ARHGEF1: variants seen among roughly 807,000 people sequenced by gnomAD.
The protein encoded by ARHGEF1 is Rho guanine nucleotide exchange factor 1, also known as 115 kDa guanine nucleotide exchange factor.
In ARHGEF1, 40 loss-of-function variants were observed where a neutral mutation model predicts 119.7. The observed-to-expected ratio is 0.33, with a 90% CI of 0.26 to 0.44. ARHGEF1 has a LOEUF of 0.44. Among genes scored for constraint, ARHGEF1 ranks in the 20% least tolerant of loss-of-function variants. The pLI, the probability that ARHGEF1 is intolerant of heterozygous loss-of-function variation, is 1.00. For synonymous variants in ARHGEF1, 494 were observed against 521.0 expected, an observed-to-expected ratio of 0.95 and a Z score of 0.71; for missense variants, 976 against 1,268.3, an observed-to-expected ratio of 0.77 and a Z score of 3.50.
rs2074329871 is a variant in ARHGEF1, at chr19:41,888,557, A to G, written c.112-195A>G. On this transcript the variant is annotated intron_variant, in intron 3 of 28. Transcript: ENST00000354532. This position sits in a 1 kb window ranked among gnomAD's most constrained non-coding sequence, Gnocchi z 5.1. The stretch of plus-strand genomic sequence containing the variant: ...TTCTGTCCTCATCATCCACCATTAT[A>G]ATATTAAGTCTCATCCATTCTCCCT... Among the ~76,000 whole-genome samples, 1 of 152,058 alleles carries G rather than the reference A, an allele frequency of 6.6e-6. No homozygotes were observed.
chr19:41,905,363 A>G lies in ARHGEF1; in HGVS notation c.2336+102A>G. ...CAGAACCGTCTCTGTGTGAGCATGC[A>G]CATGTGTGAATGCATGTGTGTGCAT... On this transcript the variant is annotated intron_variant, in intron 24 of 28. Transcript: ENST00000354532. The surrounding 1 kb of genome is among the most constrained non-coding windows in gnomAD (Gnocchi z 6.4). 3.8e-6 allele frequency: 4 copies of G among 1,050,402 alleles called. No homozygotes were observed. Among genetic ancestry groups the G allele is most frequent in the East Asian group, 4.8e-5 (2 of 41,308 alleles). The allele number at this position is 1,050,402 out of a possible 1,614,324, so 65.1% of individuals were successfully genotyped here.
rs2074624139 is a variant in ARHGEF1 at position 41,902,729 on chromosome 19, G to A, written c.1624-55G>A. The A allele has an allele frequency of 5.0e-6, 8 of 1,613,302 alleles. No individual in the cohort carries two copies. The highest frequency in any genetic ancestry group is 1.1e-5 in the South Asian group (1 of 91,054). On this transcript the variant is annotated intron_variant, in intron 17 of 28. Transcript: ENST00000354532. The surrounding 1 kb of genome is among the most constrained non-coding windows in gnomAD (Gnocchi z 6.5). Reference sequence around the variant, plus strand: ...GAGACCCAGACTCCTAGGTGCCTGCGCCCTGGGGTGAGCCCAAAGCCTGGG... The same window carrying A: ...GAGACCCAGACTCCTAGGTGCCTGCACCCTGGGGTGAGCCCAAAGCCTGGG...
chr19:41,889,078 A>C lies in ARHGEF1; in HGVS notation c.225+213A>C. The stretch of plus-strand genomic sequence containing the variant: ...CTTACAAGTGCCCAGGGTAGATCTC[A>C]GTGCGCAGCGGGCAGGGTACACACG... On this transcript the variant is annotated intron_variant, in intron 4 of 28. Coordinates refer to ENST00000354532, the MANE Select transcript of ARHGEF1 (RefSeq NM_004706.4). This position sits in a 1 kb window ranked among gnomAD's most constrained non-coding sequence, Gnocchi z 4.0. The C allele has an allele frequency of 4.0e-5, 21 of 521,988 alleles. No homozygotes were observed. Among genetic ancestry groups the C allele is most frequent in the East Asian group, 6.3e-5 (2 of 31,552 alleles). 32.3% of individuals were successfully genotyped at this position (521,988 alleles called of 1,614,324 possible).
At chr19:41,909,869 G>A (rs2074742616), downstream of ARHGEF1, 2 of 1,610,056 alleles carry the variant, frequency 1.2e-6, no homozygotes, top group African/African-American at 1.3e-5. This position sits in a 1 kb window ranked among gnomAD's most constrained non-coding sequence, Gnocchi z 5.2. Flanking sequence ...TCACCGCAGG[G>A]CCCGGCTCAG....
At position 41,906,975 on chromosome 19, in the gene ARHGEF1, GTC is replaced by G; in HGVS notation, c.*18-126_*18-125del. The G allele has an allele frequency of 2.0e-6, 2 of 1,003,866 alleles. No homozygotes were observed. Among genetic ancestry groups the G allele is most frequent in the Non-Finnish European group, 2.8e-6 (2 of 708,218 alleles). 62.2% of individuals were successfully genotyped at this position (1,003,866 alleles called of 1,614,324 possible). A position where few individuals can be genotyped will look rare whatever the true frequency, so the allele number is the denominator to read the frequency against. On this transcript the variant is annotated intron_variant, in intron 28 of 28. Transcript: ENST00000354532. The surrounding 1 kb of genome is among the most constrained non-coding windows in gnomAD (Gnocchi z 4.5). ...TCTGTTTCTGATAATCTGTTTCTCT[GTC>G]TCTGTGCCCGCCTGCCTCTCCCCAC...
rs144745694 is a variant in ARHGEF1, at chr19:41,905,946, C to G, written c.2412C>G (p.Thr804=). 3 of 1,614,110 alleles carry G rather than the reference C, an allele frequency of 1.9e-6. No individual in the cohort carries two copies. The highest frequency in any genetic ancestry group is 2.5e-6 in the Non-Finnish European group (3 of 1,180,000). The change falls in exon 26 of 29, where the codon ACC becomes ACG. Residue 804 remains threonine, a synonymous_variant. Coordinates refer to ENST00000354532, the MANE Select transcript of ARHGEF1 (RefSeq NM_004706.4). The surrounding 1 kb of genome is among the most constrained non-coding windows in gnomAD (Gnocchi z 6.4). ...GRETSPADAR[T]ERILSDLLPF... is the part of the protein sequence containing the mutation. ...CTCTGTTCCCCAATCCAGCCCGGAC[C>G]GAGAGAATCCTCAGTGACCTCCTGC...
rs1369508438 is a variant in ARHGEF1, at chr19:41,903,855, C to T, written c.1917+71C>T. ...CCAGGGGATTCTGTGATACAGCCCC[C>T]AGCCTGTCCTGCCCATCCCATAATA... On this transcript the variant is annotated intron_variant, in intron 20 of 28. Coordinates refer to ENST00000354532, the MANE Select transcript of ARHGEF1 (RefSeq NM_004706.4). The surrounding 1 kb of genome is among the most constrained non-coding windows in gnomAD (Gnocchi z 4.2). 1.3e-6 allele frequency: 2 copies of T among 1,525,594 alleles called. No individual in the cohort carries two copies. The highest frequency in any genetic ancestry group is 1.8e-6 in the Non-Finnish European group (2 of 1,102,932). The allele number at this position is 1,525,594 out of a possible 1,614,324, so 94.5% of individuals were successfully genotyped here.
rs147565979 is a variant in ARHGEF1 at position 41,906,174 on chromosome 19, T to G, written c.2491+149T>G. On this transcript the variant is annotated intron_variant, in intron 26 of 28. Coordinates refer to ENST00000354532, the MANE Select transcript of ARHGEF1 (RefSeq NM_004706.4). This position sits in a 1 kb window ranked among gnomAD's most constrained non-coding sequence, Gnocchi z 4.5. Reference sequence around the variant, plus strand: ...ACCCACCCAGCCTGCACCACTGTCCTGGGTGCCCACGTCCCTCTTCTGCAG... The same window carrying G: ...ACCCACCCAGCCTGCACCACTGTCCGGGGTGCCCACGTCCCTCTTCTGCAG... The G allele has an allele frequency of 8.8e-3, 6,678 of 759,792 alleles. 49 individuals carry two copies. Among genetic ancestry groups the G allele is most frequent in the Non-Finnish European group, 0.01 (4,812 of 465,944 alleles). 47.1% of individuals were successfully genotyped at this position (759,792 alleles called of 1,614,324 possible). A position where few individuals can be genotyped will look rare whatever the true frequency, so the allele number is the denominator to read the frequency against.
downstream of ARHGEF1, among the ~76,000 whole-genome samples, chr19:41,912,003 A>G (rs2074755061): frequency 6.6e-6 from 1 of 151,912 alleles, no homozygotes; most frequent in Non-Finnish European, 1.5e-5. Context: ...GCACCAAGAC[A>G]GCCATGCGGA....
In ARHGEF1 at chr19:41,902,663, G is replaced by C; in HGVS notation, c.1623+5G>C. ...CGGTTCTGTGCCTTCGTGCAGGTGA[G>C]GTGGGGTCTGGACTCCAGCTTCCCA... On this transcript the variant is annotated splice_donor_5th_base_variant and intron_variant, in intron 17 of 28. Coordinates refer to ENST00000354532, the MANE Select transcript of ARHGEF1 (RefSeq NM_004706.4). This position sits in a 1 kb window ranked among gnomAD's most constrained non-coding sequence, Gnocchi z 6.5. 6.2e-7 allele frequency: 1 copy of C among 1,614,184 alleles called. No homozygotes were observed. The highest frequency in any genetic ancestry group is 8.5e-7 in the Non-Finnish European group (1 of 1,180,010).
chr19:41,928,907 C>G (rs2074889178), exon 2 of ARHGEF1: 1 of 456,274 alleles, frequency 2.2e-6, no homozygotes, highest in African/African-American at 2.0e-5. Flanking sequence ...GACACGCAAG[C>G]CTGGACCGGG....
chr19:41,903,914 A>AT lies in ARHGEF1; in HGVS notation c.1918-120dup. 7.5e-6 allele frequency: 10 copies of AT among 1,341,870 alleles called. No individual in the cohort carries two copies. In the South Asian group the frequency reaches 1.2e-4, roughly 17 times the overall value. 83.1% of individuals were successfully genotyped at this position (1,341,870 alleles called of 1,614,324 possible). A position where few individuals can be genotyped will look rare whatever the true frequency, so the allele number is the denominator to read the frequency against. ...AAGCGAGAGCTCTGTCCCCCACCTC[A>AT]TGCCAATCCCATGATCCCCAGCCTG... On this transcript the variant is annotated intron_variant, in intron 20 of 28. Transcript: ENST00000354532. The surrounding 1 kb of genome is among the most constrained non-coding windows in gnomAD (Gnocchi z 4.2).
intron 14 of ARHGEF1, among the ~76,000 whole-genome samples, chr19:41,901,106 G>C (rs2074597087): frequency 6.6e-6 from 1 of 151,674 alleles, no homozygotes; most frequent in South Asian, 2.1e-4. Flanking sequence ...GGCTATTTAA[G>C]AGGGCAAATG....
chr19:41,903,270 A>G lies in ARHGEF1; in HGVS notation c.1739-37A>G, dbSNP rs1568823120. On this transcript the variant is annotated intron_variant, in intron 18 of 28. Coordinates refer to ENST00000354532, the MANE Select transcript of ARHGEF1 (RefSeq NM_004706.4). This position sits in a 1 kb window ranked among gnomAD's most constrained non-coding sequence, Gnocchi z 4.2. ...CTGCCCAATCTGGAGCCTCCAGGGC[A>G]GGGGTTCACCAGAGCTGCTCTCTCC... The G allele has an allele frequency of 6.3e-7, 1 of 1,594,246 alleles. No individual in the cohort carries two copies. The highest frequency in any genetic ancestry group is 2.2e-5 in the East Asian group (1 of 44,736).
rs782393848 is a variant in ARHGEF1, at chr19:41,896,419, G to A, written c.1058G>A (p.Gly353Asp). 3 of 1,468,620 alleles carry A rather than the reference G, an allele frequency of 2.0e-6. No homozygotes were observed. The African/African-American group carries it at 4.3e-5, about 21-fold the overall frequency. The allele number at this position is 1,468,620 out of a possible 1,614,324, so 91.0% of individuals were successfully genotyped here. The change falls in exon 13 of 29, where the codon GGC (glycine) becomes GAC (aspartate). Residue 353 changes from glycine to aspartate, a missense_variant. Transcript: ENST00000354532. ...PLELGDSSPQ[G>D]PMSLESLAPP... is the part of the protein sequence containing the mutation. ...GAGCTGGGGGACTCATCCCCGCAGG[G>A]CCCAATGAGCCTGGAGTCCTTGGCG...
downstream of ARHGEF1, among the ~76,000 whole-genome samples, chr19:41,911,001 C>G (rs1346716190): frequency 2.0e-5 from 3 of 152,192 alleles, no homozygotes; most frequent in Non-Finnish European, 4.4e-5. Context: ...ACACAGGACC[C>G]CAAATGCCCA....
At chr19:41,901,109 G>C (rs2074597238) in intron 14 of ARHGEF1, among the ~76,000 whole-genome samples, 1 of 151,366 alleles carries the variant, frequency 6.6e-6, no homozygotes, top group African/African-American at 2.4e-5. Flanking sequence ...TATTTAAGAG[G>C]GCAAATGACT....
At chr19:41,915,664 T>C (rs1296691556) in intron 18 of ARHGEF1, among the ~76,000 whole-genome samples, 5 of 152,042 alleles carry the variant, frequency 3.3e-5, no homozygotes, top group Admixed American at 6.6e-5. Flanking sequence ...TCTCCCTGTC[T>C]CTGTGTCTCT....
chr19:41,898,554 A>G lies in ARHGEF1; in HGVS notation c.1234A>G (p.Lys412Glu). The change falls in exon 14 of 29, where the codon AAG becomes GAG. Residue 412 changes from lysine (K) to glutamate (E), a missense_variant. Lys to Glu is a moderately conservative substitution (Grantham distance 56, BLOSUM62 1). Coordinates refer to ENST00000354532, the MANE Select transcript of ARHGEF1 (RefSeq NM_004706.4). ...VPPDTLHSLP[K>E]SQVKRQEVIS... ...CCCAGACACCCTGCACAGCCTGCCC[A>G]AGAGCCAGGTGAAGCGGCAGGAGGT... The G allele has an allele frequency of 6.3e-7, 1 of 1,578,984 alleles. No homozygotes were observed. The highest frequency in any genetic ancestry group is 1.2e-5 in the South Asian group (1 of 86,018).
Sources: gnomAD v4.1 joint callset for allele counts (sites outside exome capture counted in the v4.1 genomes callset) on GRCh38, gnomAD v4.1.1 for gene constraint, Gnocchi (gnomAD v3.1) non-coding constraint, MANE v1.5 for transcripts, NCBI Gene and HGNC (gene_info 2026-07-23, HGNC 2026-07-21) for gene names.